ANO2: variants seen among roughly 807,000 people sequenced by gnomAD.
ANO2 encodes the protein anoctamin 2.
ANO2 carries 101 observed loss-of-function variants against 124.2 expected under a neutral mutation model. The ratio of observed to expected loss-of-function variants is 0.81; its 90% CI spans 0.69 to 0.96. The LOEUF (loss-of-function observed/expected upper bound fraction) is 0.96, where lower values mean the gene tolerates loss of function less well. Among genes scored for constraint, ANO2 ranks in the 40% least tolerant of loss-of-function variants. The pLI is 0.00. For missense variants in ANO2, 1,293 were observed against 1,274.5 expected, an observed-to-expected ratio of 1.01 and a Z score of -0.22; for synonymous variants, 486 against 482.5, an observed-to-expected ratio of 1.01 and a Z score of -0.09.
intron 1 of ANO2, among the ~76,000 whole-genome samples, chr12:5,930,194 G>T (rs1466137556): frequency 6.6e-6 from 1 of 152,098 alleles, no homozygotes; most frequent in African/African-American, 2.4e-5. Context: ...CCTTCCTTGT[G>T]ATTACCCAGG....
At chr12:5,689,530 A>G (rs1591913473) in intron 14 of ANO2, among the ~76,000 whole-genome samples, 2 of 152,264 alleles carry the variant, frequency 1.3e-5, no homozygotes, top group East Asian at 3.9e-4. Flanking sequence ...TTCCTGGTTC[A>G]TTGATGGTAA....
At chr12:5,742,800 GCTC>G (rs1171350437) in intron 12 of ANO2, among the ~76,000 whole-genome samples, 1 of 152,084 alleles carries the variant, frequency 6.6e-6, no homozygotes, top group Non-Finnish European at 1.5e-5. Context: ...ATTCCACAAT[GCTC>G]CTGTTTGATA....
chr12:5,810,816 AGCAT>A (rs1201481898), intron 7 of ANO2, among the ~76,000 whole-genome samples: 2 of 152,182 alleles, frequency 1.3e-5, no homozygotes, highest in Non-Finnish European at 2.9e-5. Context: ...CTCCCTGCCC[AGCAT>A]GGACCACACA....
intron 3 of ANO2, among the ~76,000 whole-genome samples, chr12:5,873,205 C>A (rs1937835060): frequency 2.5e-5 from 1 of 39,354 alleles, no homozygotes; most frequent in African/African-American, 9.7e-5. Flanking sequence ...AGCTCTCTCT[C>A]TCTCTCTCTC....
At chr12:5,833,555 C>T (rs1050500199) in intron 4 of ANO2, among the ~76,000 whole-genome samples, 10 of 152,248 alleles carry the variant, frequency 6.6e-5, no homozygotes, top group Middle Eastern at 3.4e-3. Flanking sequence ...CCCCAATCCC[C>T]GGGGCCACAA....
At chr12:5,833,845 T>A (rs1178070995) in intron 4 of ANO2, among the ~76,000 whole-genome samples, 1 of 152,138 alleles carries the variant, frequency 6.6e-6, no homozygotes, top group East Asian at 1.9e-4. Context: ...ATGGAAATAT[T>A]GTCTTCCGTG....
At chr12:5,610,833 C>CACACAT (rs1420760201) in intron 19 of ANO2, among the ~76,000 whole-genome samples, 1 of 139,562 alleles carries the variant, frequency 7.2e-6, no homozygotes, top group African/African-American at 2.8e-5. Flanking sequence ...CACACACACA[C>CACACAT]ACACACACAC....
chr12:5,706,758 G>A (rs749917854), intron 14 of ANO2, among the ~76,000 whole-genome samples: 2 of 152,220 alleles, frequency 1.3e-5, no homozygotes, highest in Non-Finnish European at 2.9e-5. Context: ...GTCTAGAGCA[G>A]CACCTGGTAT....
chr12:5,700,769 G>A (rs146660120), intron 14 of ANO2, among the ~76,000 whole-genome samples: 283 of 152,142 alleles, frequency 1.9e-3, no homozygotes, highest in African/African-American at 6.7e-3. Flanking sequence ...CAGACTGCTG[G>A]CCTCAAGTGA....
intron 14 of ANO2, among the ~76,000 whole-genome samples, chr12:5,715,783 C>T (rs1348914205): frequency 6.6e-6 from 1 of 152,172 alleles, no homozygotes; most frequent in Admixed American, 6.5e-5. Context: ...AAGAGGAACC[C>T]AGAAACCGAA....
At chr12:5,614,407 C>A (rs1246338107) in intron 17 of ANO2, among the ~76,000 whole-genome samples, 2 of 152,142 alleles carry the variant, frequency 1.3e-5, no homozygotes, top group African/African-American at 4.8e-5. Flanking sequence ...GTGATACTAG[C>A]CCAATCTCAG....
intron 20 of ANO2, among the ~76,000 whole-genome samples, chr12:5,596,917 C>G (rs1325370607): frequency 6.6e-6 from 1 of 152,026 alleles, no homozygotes; most frequent in Non-Finnish European, 1.5e-5. Flanking sequence ...CCTGACAATC[C>G]TATTATATTA....
chr12:5,870,947 G>A (rs892317137), intron 3 of ANO2, among the ~76,000 whole-genome samples: 4 of 152,200 alleles, frequency 2.6e-5, no homozygotes, highest in Admixed American at 1.3e-4. Context: ...TACTATGATC[G>A]TTTTCTGGAA....
At chr12:5,873,958 G>A (rs1937917969) in intron 3 of ANO2, among the ~76,000 whole-genome samples, 2 of 152,208 alleles carry the variant, frequency 1.3e-5, no homozygotes, top group Admixed American at 6.5e-5. Context: ...GAGACGCGCA[G>A]AGAAGCCCAG....
At chr12:5,827,124 A>G (rs530376044) in intron 7 of ANO2, among the ~76,000 whole-genome samples, 7 of 152,344 alleles carry the variant, frequency 4.6e-5, no homozygotes, top group Middle Eastern at 3.4e-3. Flanking sequence ...TACCTGGGCC[A>G]TCACAGATGT....
intron 14 of ANO2, among the ~76,000 whole-genome samples, chr12:5,676,148 T>G (rs1220002246): frequency 1.3e-5 from 2 of 152,172 alleles, no homozygotes; most frequent in African/African-American, 4.8e-5. Context: ...GCAGCAAAAG[T>G]CACTGATGGC....
At chr12:5,743,611 C>T (rs1951175194) in intron 12 of ANO2, among the ~76,000 whole-genome samples, 1 of 151,904 alleles carries the variant, frequency 6.6e-6, no homozygotes, top group African/African-American at 2.4e-5. Flanking sequence ...TCCACTAATC[C>T]CTTTGGTGGG....
At chr12:5,839,508 C>T in intron 4 of ANO2, 1 of 450,900 alleles carries the variant, frequency 2.2e-6, no homozygotes, top group East Asian at 7.0e-5. Flanking sequence ...GGACTAAATA[C>T]TTTAAAAAGT....
chr12:5,650,623 A>G, intron 14 of ANO2, among the ~76,000 whole-genome samples: 1 of 152,226 alleles, frequency 6.6e-6, no homozygotes, highest in African/African-American at 2.4e-5. Flanking sequence ...CTCTCCATTC[A>G]CGGATACATT....
Sources: allele counts gnomAD v4.1 joint callset (sites outside exome capture counted in the v4.1 genomes callset), GRCh38; gene constraint gnomAD v4.1.1; transcripts MANE v1.5; gene names NCBI Gene and HGNC (gene_info 2026-07-23, HGNC 2026-07-21).